Variants in TMED6 observed in about 807,000 individuals in gnomAD.
TMED6 encodes the protein transmembrane p24 trafficking protein 6, also known as transmembrane emp24 domain-containing protein 6.
TMED6 carries 17 observed loss-of-function variants against 26.5 expected under a neutral mutation model. The ratio of observed to expected loss-of-function variants is 0.64; its 90% CI spans 0.44 to 0.96. The LOEUF is 0.96. Among genes scored for constraint, TMED6 ranks in the 40% least tolerant of loss-of-function variants. TMED6 has a pLI of 0.00. For synonymous variants in TMED6, 107 were observed against 106.2 expected (o/e 1.01, Z -0.04); for missense variants, 309 against 296.5 (o/e 1.04, Z -0.31).
chr16:69,347,030 CCT>C (rs1197864872), intron 3 of TMED6, among the ~76,000 whole-genome samples: 1 of 151,964 alleles, frequency 6.6e-6, no homozygotes, highest in African/African-American at 2.4e-5. Context: ...AGAGTGAGAC[CCT>C]GTCTCAAAAA....
At chr16:69,347,715 A>T in intron 3 of TMED6, 73 bp downstream of exon 3, 1 of 1,587,912 alleles carries the variant, frequency 6.3e-7, no homozygotes, top group Non-Finnish European at 8.6e-7. Context: ...TTCTACCTAA[A>T]TGAAGTCATC....
At chr16:69,350,881 T>C (rs1374799057) in intron 1 of TMED6, among the ~76,000 whole-genome samples, 2 of 152,174 alleles carry the variant, frequency 1.3e-5, no homozygotes, top group Non-Finnish European at 2.9e-5. Context: ...AAACAAAAAT[T>C]AGAAAGTTAA....
At chr16:69,347,970 G>C (rs756533680) in intron 2 of TMED6, 34 bp from the exon 3 acceptor site, 2 of 1,610,128 alleles carry the variant, frequency 1.2e-6, no homozygotes, top group South Asian at 2.2e-5. Context: ...CCAAGTCTTT[G>C]GTCTCCTCCC....
At chr16:69,343,995 ATTT>A (rs72414863) in intron 3 of TMED6, among the ~76,000 whole-genome samples, 1 of 143,884 alleles carries the variant, frequency 7.0e-6, no homozygotes. Flanking sequence ...CACCCAGCTA[ATTT>A]TTTTTTTTTT....
intron 3 of TMED6, 148 bp from the exon 4 acceptor site, chr16:69,343,788 G>GT: frequency 1.4e-6 from 1 of 705,376 alleles, no homozygotes; most frequent in East Asian, 2.7e-5. Flanking sequence ...TAAATGTTGT[G>GT]TTTGCTATGT....
intron 1 of TMED6, among the ~76,000 whole-genome samples, chr16:69,351,066 G>A (rs894925197): frequency 4.6e-5 from 7 of 151,674 alleles, no homozygotes; most frequent in South Asian, 4.2e-4. Context: ...TTAACTGGCC[G>A]AATACAAAAA....
intron 3 of TMED6, among the ~76,000 whole-genome samples, chr16:69,343,900 C>T (rs144104473): frequency 2.6e-5 from 4 of 152,300 alleles, no homozygotes; most frequent in Non-Finnish European, 5.9e-5. Flanking sequence ...GCAGTCACAG[C>T]TCACTGCAGC....
intron 3 of TMED6, among the ~76,000 whole-genome samples, chr16:69,345,999 G>A (rs569679837): frequency 2.0e-5 from 3 of 152,278 alleles, no homozygotes; most frequent in South Asian, 2.1e-4. Context: ...CAAAGGACTC[G>A]AACAGACATT....
In TMED6 at chr16:69,347,764, C is replaced by T. The variant is rs115954628; in HGVS notation, c.489+24G>A. On this transcript the variant is annotated intron_variant, in intron 3 of 3. Coordinates refer to ENST00000288025, the MANE Select transcript of TMED6 (RefSeq NM_144676.4). ...TAAAAATCAGTTTCCACAGATGTTTCTCTTCCACAAAACACTTCCTTACCT... is the reference window on the plus strand; with the variant it reads ...TAAAAATCAGTTTCCACAGATGTTTTTCTTCCACAAAACACTTCCTTACCT... 4.0e-3 allele frequency: 6,407 copies of T among 1,612,682 alleles called. 208 individuals carry two copies. In the African/African-American group the frequency reaches 0.072, roughly 18 times the overall value.
In TMED6 at chr16:69,347,844, T is replaced by C. The variant is rs1253883924; in HGVS notation, c.433A>G (p.Thr145Ala). ...NFGVFYEGPE[T>A]DHKQKERKQL... ...TTTCTTTCCTTCTGTTTGTGATCAG[T>C]CTCAGGCCCCTCATAGAAGACCCCA... Residue 145 changes from threonine to alanine, a missense_variant, in exon 3 of 4, where the codon ACT becomes GCT. Physicochemically the swap from Thr to Ala is moderately conservative, Grantham distance 58 (BLOSUM62 0). Transcript: ENST00000288025. The C allele has an allele frequency of 1.2e-6, 2 of 1,614,154 alleles. No homozygotes were observed. The highest frequency in any genetic ancestry group is 1.7e-5 in the Admixed American group (1 of 60,026).
chr16:69,351,370 G>A (rs2012773088), intron 1 of TMED6, among the ~76,000 whole-genome samples, 171 bp downstream of exon 1: 1 of 152,114 alleles, frequency 6.6e-6, no homozygotes, highest in South Asian at 2.1e-4. Flanking sequence ...TCCTGTTGGT[G>A]ATTATTCACC....
Position 69,351,549 on chromosome 16 carries a change from T to C in TMED6, c.205A>G (p.Ser69Gly), listed in dbSNP as rs1180108587. 2.5e-6 allele frequency: 4 copies of C among 1,613,624 alleles called. No homozygotes were observed. The highest frequency in any genetic ancestry group is 1.7e-5 in the Admixed American group (1 of 59,966). Residue 69 changes from serine to glycine, a missense_variant, in exon 1 of 4, where the codon AGT becomes GGT. Physicochemically the swap from Ser to Gly is moderately conservative, Grantham distance 56 (BLOSUM62 0). Coordinates refer to ENST00000288025, the MANE Select transcript of TMED6 (RefSeq NM_144676.4). ...FAHQTGYFYF[S>G]YEVQRTVGMS... Reference sequence around the variant, plus strand: ...GCCAGTCACCCACATACCTCGTAACTGAAATAGAAGTATCCAGTCTGGTGG... The same window carrying C: ...GCCAGTCACCCACATACCTCGTAACCGAAATAGAAGTATCCAGTCTGGTGG...
intron 3 of TMED6, among the ~76,000 whole-genome samples, chr16:69,346,271 C>CA (rs1205508548): frequency 6.6e-6 from 1 of 152,166 alleles, no homozygotes; most frequent in African/African-American, 2.4e-5. Context: ...CATGCTAACA[C>CA]AAAAACTTGC....
chr16:69,348,071 GT>G, intron 2 of TMED6, 135 bp from the exon 3 acceptor site: 1 of 933,812 alleles, frequency 1.1e-6, no homozygotes. Flanking sequence ...CAAAGATCCC[GT>G]TTTTGACATG....
chr16:69,349,770 G>A, intron 1 of TMED6, 119 bp from the exon 2 acceptor site: 1 of 1,301,710 alleles, frequency 7.7e-7, no homozygotes, highest in South Asian at 1.4e-5. Context: ...GGGTGGGACT[G>A]CCCAACCCCC....
intron 1 of TMED6, among the ~76,000 whole-genome samples, chr16:69,350,292 G>A (rs1235095954): frequency 6.7e-6 from 1 of 148,302 alleles, no homozygotes; most frequent in Non-Finnish European, 1.5e-5. Context: ...AAAAAAGTAC[G>A]ATTCTGGCTG....
chr16:69,351,351 T>C (rs1005711962), intron 1 of TMED6, among the ~76,000 whole-genome samples, 190 bp downstream of exon 1: 7 of 152,198 alleles, frequency 4.6e-5, no homozygotes, highest in African/African-American at 1.2e-4. Context: ...CCAAACCATA[T>C]GTTTTAGCTC....
chr16:69,351,548 C>T lies in TMED6; in HGVS notation c.206G>A (p.Ser69Asn), dbSNP rs1428078451. ...FAHQTGYFYFSYEVQRTVGMS... is the reference protein window; with the variant it reads ...FAHQTGYFYFNYEVQRTVGMS... ...GGCCAGTCACCCACATACCTCGTAA[C>T]TGAAATAGAAGTATCCAGTCTGGTG... The change falls in exon 1 of 4, where the codon AGT becomes AAT. Residue 69 changes from serine (S) to asparagine (N), a missense_variant. By Grantham distance (46) the Ser-to-Asn change is conservative (BLOSUM62 1). Coordinates refer to ENST00000288025, the MANE Select transcript of TMED6 (RefSeq NM_144676.4). The T allele has an allele frequency of 2.5e-6, 4 of 1,613,844 alleles. No homozygotes were observed. Among genetic ancestry groups the T allele is most frequent in the African/African-American group, 2.7e-5 (2 of 74,866 alleles).
At position 69,349,665 on chromosome 16, in the gene TMED6, T is replaced by C; in HGVS notation, c.214-14A>G. ...TGTCCGCTGAACCTGCCAAGACACA[T>C]TAAATAGGTAGCAGAACCCCTGCTA... On this transcript the variant is annotated splice_polypyrimidine_tract_variant and intron_variant, in intron 1 of 3. Transcript: ENST00000288025. The C allele has an allele frequency of 1.2e-6, 2 of 1,610,046 alleles. No individual in the cohort carries two copies. The highest frequency in any genetic ancestry group is 1.7e-6 in the Non-Finnish European group (2 of 1,177,390).
Sources: gnomAD v4.1 joint callset for allele counts (sites outside exome capture counted in the v4.1 genomes callset) on GRCh38, gnomAD v4.1.1 for gene constraint, MANE v1.5 for transcripts, NCBI Gene and HGNC (gene_info 2026-07-23, HGNC 2026-07-21) for gene names.